SGCD: variants seen among roughly 807,000 people sequenced by gnomAD.
The protein encoded by SGCD is sarcoglycan delta.
A neutral mutation model predicts 36.6 loss-of-function variants in SGCD; 18 were observed. That is an observed-to-expected ratio of 0.49 (90% CI 0.34 to 0.73). The LOEUF (loss-of-function observed/expected upper bound fraction) is 0.73. Among genes scored for constraint, SGCD ranks in the 30% least tolerant of loss-of-function variants. The pLI is 0.01. For missense variants in SGCD, 387 were observed against 346.7 expected, an observed-to-expected ratio of 1.12 and a Z score of -0.92; for synonymous variants, 133 against 130.6, an observed-to-expected ratio of 1.02 and a Z score of -0.12.
chr5:156,727,881 GAT>G (rs1755857496), intron 7 of SGCD, among the ~76,000 whole-genome samples: 1 of 152,192 alleles, frequency 6.6e-6, no homozygotes, highest in Admixed American at 6.5e-5. Flanking sequence ...AGTTGGAAGA[GAT>G]AAGAACAGGT....
chr5:156,470,796 A>G, intron 3 of SGCD, among the ~76,000 whole-genome samples: 1 of 152,226 alleles, frequency 6.6e-6, no homozygotes, highest in Non-Finnish European at 1.5e-5. Flanking sequence ...TCTAATAATG[A>G]TAAATGTTGC....
chr5:156,739,618 C>T (rs1756562001), intron 7 of SGCD: 1 of 152,080 alleles, frequency 6.6e-6, no homozygotes, highest in African/African-American at 2.4e-5. Flanking sequence ...TTCAAAATAG[C>T]CAGAATGCTT....
chr5:156,488,124 T>A (rs11949030), intron 3 of SGCD, among the ~76,000 whole-genome samples: 10,396 of 130,546 alleles, frequency 0.08, 943 homozygotes, highest in African/African-American at 0.22. Flanking sequence ...TTTTTTTTTT[T>A]AAATAACCCA....
At chr5:156,538,964 G>A (rs943811211) in intron 4 of SGCD, among the ~76,000 whole-genome samples, 1 of 152,108 alleles carries the variant, frequency 6.6e-6, no homozygotes, top group African/African-American at 2.4e-5. Flanking sequence ...AGGGATGTGT[G>A]CATTGTGGCT....
chr5:155,741,378 C>T, the SGCD span, among the ~76,000 whole-genome samples: 32 of 152,108 alleles, frequency 2.1e-4, no homozygotes, highest in African/African-American at 7.7e-4. Context: ...GGATTTTTCC[C>T]TGTAAGAGAG....
At chr5:156,670,184 G>A (rs760121901) in intron 7 of SGCD, among the ~76,000 whole-genome samples, 13 of 152,124 alleles carry the variant, frequency 8.5e-5, no homozygotes, top group African/African-American at 3.1e-4. Flanking sequence ...ATCATAATGA[G>A]AGGGTATAAA....
intron 7 of SGCD, among the ~76,000 whole-genome samples, chr5:156,682,827 C>A (rs1257785097): frequency 1.3e-5 from 2 of 152,144 alleles, no homozygotes; most frequent in Non-Finnish European, 2.9e-5. Flanking sequence ...ACATTAGTAC[C>A]GTACCGAAGG....
At chr5:156,300,527 T>C (rs1561607980) in intron 3 of SGCD, among the ~76,000 whole-genome samples, 2 of 152,248 alleles carry the variant, frequency 1.3e-5, no homozygotes, top group East Asian at 3.9e-4. Context: ...TTTTGTGACC[T>C]AACATATGGT....
At chr5:156,329,436 T>A in intron 1 of SGCD, 98 bp from the exon 2 acceptor site, 1 of 849,578 alleles carries the variant, frequency 1.2e-6, no homozygotes, top group Middle Eastern at 2.3e-4. Flanking sequence ...AGAAAGCACA[T>A]TTTGTAAGAA....
At chr5:156,352,531 GT>G (rs1769309987) in intron 3 of SGCD, among the ~76,000 whole-genome samples, 1 of 152,186 alleles carries the variant, frequency 6.6e-6, no homozygotes, top group Admixed American at 6.5e-5. Context: ...ATCTGATCAT[GT>G]TGCTGACATG....
At chr5:155,830,875 T>C in the SGCD span, among the ~76,000 whole-genome samples, 2 of 152,204 alleles carry the variant, frequency 1.3e-5, no homozygotes, top group African/African-American at 4.8e-5. Flanking sequence ...CACAGATGAA[T>C]GCACTTTTTC....
At chr5:156,629,671 G>T (rs1037456171) in intron 6 of SGCD, among the ~76,000 whole-genome samples, 9 of 152,094 alleles carry the variant, frequency 5.9e-5, no homozygotes, top group Non-Finnish European at 1.2e-4. Context: ...GGACCACAGG[G>T]TCTCTGTTGC....
At chr5:155,886,934 A>G (rs1756018326) in intron 1 of SGCD, among the ~76,000 whole-genome samples, 1 of 152,214 alleles carries the variant, frequency 6.6e-6, no homozygotes, top group African/African-American at 2.4e-5. Flanking sequence ...ATTTCCCAAA[A>G]GCTCATGATA....
intron 3 of SGCD, among the ~76,000 whole-genome samples, chr5:156,176,144 TGTGTGTGTTTGTGTGC>T: frequency 6.6e-6 from 1 of 152,150 alleles, no homozygotes; most frequent in Non-Finnish European, 1.5e-5. Context: ...TGTTTGTGTG[TGTGTGTGTTTGTGTGC>T]GTGTGGTGAT....
chr5:156,025,662 A>G (rs1300536913), intron 1 of SGCD, among the ~76,000 whole-genome samples: 1 of 152,200 alleles, frequency 6.6e-6, no homozygotes, highest in African/African-American at 2.4e-5. Context: ...TATAAGCATC[A>G]TATTTCCTAA....
chr5:156,737,391 T>G (rs62382382), intron 7 of SGCD, among the ~76,000 whole-genome samples: 14,603 of 152,244 alleles, frequency 0.096, 942 homozygotes, highest in Middle Eastern at 0.14. Context: ...ATAATATTAA[T>G]GTGACTTCTT....
At chr5:156,511,549 G>A (rs1756928274) in intron 4 of SGCD, among the ~76,000 whole-genome samples, 1 of 152,170 alleles carries the variant, frequency 6.6e-6, no homozygotes, top group African/African-American at 2.4e-5. Flanking sequence ...CCTGTAAAAT[G>A]CATTATTAGG....
At chr5:155,905,219 A>T (rs1189937902) in intron 1 of SGCD, among the ~76,000 whole-genome samples, 1 of 152,206 alleles carries the variant, frequency 6.6e-6, no homozygotes, top group African/African-American at 2.4e-5. Flanking sequence ...GACTTTACAA[A>T]TATGCCATAA....
the SGCD span, among the ~76,000 whole-genome samples, chr5:155,852,676 G>C: frequency 1.3e-5 from 2 of 151,832 alleles, no homozygotes; most frequent in Non-Finnish European, 2.9e-5. Context: ...TTGACTTTGG[G>C]GAAAAAAGAA....
Sources: gnomAD v4.1 joint callset for allele counts (sites outside exome capture counted in the v4.1 genomes callset) on GRCh38, gnomAD v4.1.1 for gene constraint, MANE v1.5 for transcripts, NCBI Gene and HGNC (gene_info 2026-07-23, HGNC 2026-07-21) for gene names.